MDGA2: variants seen among roughly 807,000 people sequenced by gnomAD.
MDGA2 encodes the protein MAM domain-containing glycosylphosphatidylinositol anchor protein 2.
A neutral mutation model predicts 117.8 loss-of-function variants in MDGA2; 40 were observed. The ratio of observed to expected loss-of-function variants is 0.34; its 90% CI spans 0.26 to 0.44. The LOEUF is 0.44. Ranked by LOEUF, MDGA2 falls within the 20% of genes least tolerant of loss-of-function variation. The pLI is 1.00. For synonymous variants in MDGA2, 452 were observed against 439.0 expected, an observed-to-expected ratio of 1.03 and a Z score of -0.37; for missense variants, 1,123 against 1,250.6, an observed-to-expected ratio of 0.90 and a Z score of 1.54.
chr14:47,211,731 TGC>T (rs1475740885), intron 3 of MDGA2, among the ~76,000 whole-genome samples: 1 of 152,174 alleles, frequency 6.6e-6, no homozygotes, highest in African/African-American at 2.4e-5. Flanking sequence ...AGTGTAGAAC[TGC>T]CAGGGAGAAT....
At chr14:47,315,745 C>T (rs1203561314) in intron 1 of MDGA2, among the ~76,000 whole-genome samples, 3 of 152,086 alleles carry the variant, frequency 2.0e-5, no homozygotes, top group Non-Finnish European at 2.9e-5. Context: ...GGCCCACTGT[C>T]CTAAGGATTT....
chr14:47,248,807 A>G (rs2139633220), intron 2 of MDGA2, among the ~76,000 whole-genome samples: 1 of 152,270 alleles, frequency 6.6e-6, no homozygotes, highest in African/African-American at 2.4e-5. Flanking sequence ...TCTAATAGCA[A>G]GATTGATTTG....
chr14:47,171,889 T>A (rs1181924245), intron 3 of MDGA2, among the ~76,000 whole-genome samples: 1 of 152,106 alleles, frequency 6.6e-6, no homozygotes, highest in African/African-American at 2.4e-5. Context: ...TTCCCTTTCT[T>A]AGTGAAAGAA....
chr14:47,365,839 T>C (rs1891219975), intron 1 of MDGA2, among the ~76,000 whole-genome samples: 7 of 152,246 alleles, frequency 4.6e-5, no homozygotes, highest in Admixed American at 3.9e-4. Flanking sequence ...AGCTATAGTA[T>C]GGCAACATGT....
intron 2 of MDGA2, among the ~76,000 whole-genome samples, chr14:47,280,314 CAAAAAAAAAAAAAAAAAA>C (rs1196509408): frequency 5.6e-5 from 2 of 35,842 alleles, no homozygotes; most frequent in Non-Finnish European, 9.0e-5. Flanking sequence ...AACTCCATCT[CAAAAAAAAAAAAAAAAAA>C]AAAAAAAAAA....
intron 1 of MDGA2, among the ~76,000 whole-genome samples, chr14:47,395,672 GACAATGA>G (rs1361519430): frequency 1.3e-5 from 2 of 151,946 alleles, no homozygotes; most frequent in African/African-American, 2.4e-5. Flanking sequence ...CTGAATTATA[GACAATGA>G]ACATATTAAT....
chr14:46,908,564 G>C (rs549830557), intron 10 of MDGA2, among the ~76,000 whole-genome samples: 1 of 152,200 alleles, frequency 6.6e-6, no homozygotes, highest in East Asian at 1.9e-4. Flanking sequence ...TCAAGAGTTT[G>C]CTGTGCAAGT....
intron 5 of MDGA2, among the ~76,000 whole-genome samples, chr14:47,124,525 T>G (rs1881803610): frequency 6.6e-6 from 1 of 152,110 alleles, no homozygotes; most frequent in Admixed American, 6.6e-5. Context: ...AACTTATGTC[T>G]GAAATTTTAA....
intron 8 of MDGA2, among the ~76,000 whole-genome samples, chr14:47,012,528 A>C (rs1477656369): frequency 6.6e-6 from 1 of 152,194 alleles, no homozygotes; most frequent in East Asian, 1.9e-4. Flanking sequence ...GAAGGCTTAA[A>C]TAAACACAAA....
At chr14:46,925,942 G>C (rs1395968335) in intron 9 of MDGA2, among the ~76,000 whole-genome samples, 1 of 152,252 alleles carries the variant, frequency 6.6e-6, no homozygotes, top group South Asian at 2.1e-4. Flanking sequence ...AACTACTGTA[G>C]GATATGGTAC....
At chr14:46,869,871 A>G (rs1881928845) in intron 14 of MDGA2, among the ~76,000 whole-genome samples, 1 of 151,964 alleles carries the variant, frequency 6.6e-6, no homozygotes, top group Non-Finnish European at 1.5e-5. Context: ...GCCTCCAATC[A>G]ACAGCCAGCA....
chr14:47,402,091 G>A (rs17092678), intron 1 of MDGA2, among the ~76,000 whole-genome samples: 39,436 of 152,012 alleles, frequency 0.26, 5,306 homozygotes, highest in South Asian at 0.45. Context: ...TTCACGGTTT[G>A]TTTCTCATTC....
intron 1 of MDGA2, among the ~76,000 whole-genome samples, chr14:47,644,675 C>T (rs889836048): frequency 6.6e-6 from 1 of 150,596 alleles, no homozygotes; most frequent in Non-Finnish European, 1.5e-5. Context: ...CAATATTGTA[C>T]TGTAAATTTG....
intron 8 of MDGA2, among the ~76,000 whole-genome samples, chr14:46,982,294 C>G (rs1594491844): frequency 6.6e-6 from 1 of 151,722 alleles, no homozygotes. Flanking sequence ...TAGTATTATA[C>G]TATGATTAAA....
chr14:46,865,144 A>C (rs1881697187), intron 14 of MDGA2, among the ~76,000 whole-genome samples: 2 of 152,136 alleles, frequency 1.3e-5, no homozygotes, highest in African/African-American at 2.4e-5. Flanking sequence ...GAGAATAAAA[A>C]TCAAACTCAT....
rs1265342645 is a variant in MDGA2, at chr14:46,920,078, T to C, written c.2172A>G (p.Leu724=). Residue 724 remains leucine (L), a synonymous_variant, in exon 10 of 17, where the codon CTA becomes CTG. Coordinates refer to ENST00000399232, the MANE Select transcript of MDGA2 (RefSeq NM_001113498.3). ...CATCAGGATTCATCTGTGTCCACTG[T>C]AGACTGTAAGAATAAACACGGTGTC... ...QNRHRVYSYS[L]QWTQMNPDAV... is the part of the protein sequence containing the mutation. 4.9e-5 allele frequency: 79 copies of C among 1,611,278 alleles called. No individual in the cohort carries two copies. Among genetic ancestry groups the C allele is most frequent in the Non-Finnish European group, 6.6e-5 (78 of 1,178,888 alleles).
chr14:47,642,314 G>T (rs1009298168), intron 1 of MDGA2, among the ~76,000 whole-genome samples: 5 of 151,930 alleles, frequency 3.3e-5, no homozygotes, highest in Non-Finnish European at 7.4e-5. Context: ...CTTAGAAAAG[G>T]GCGTGATATA....
intron 1 of MDGA2, among the ~76,000 whole-genome samples, chr14:47,519,479 A>G (rs1022289978): frequency 6.6e-6 from 1 of 152,150 alleles, no homozygotes; most frequent in Non-Finnish European, 1.5e-5. Flanking sequence ...GGTCAATTAC[A>G]TTGTTACTCT....
intron 5 of MDGA2, among the ~76,000 whole-genome samples, chr14:47,112,993 G>A (rs1362611403): frequency 6.6e-6 from 1 of 152,138 alleles, no homozygotes; most frequent in Non-Finnish European, 1.5e-5. Context: ...CTAGTAATCA[G>A]TGATGTTGAG....
Sources: allele counts gnomAD v4.1 joint callset (sites outside exome capture counted in the v4.1 genomes callset), GRCh38; gene constraint gnomAD v4.1.1; transcripts MANE v1.5; gene names NCBI Gene and HGNC (gene_info 2026-07-23, HGNC 2026-07-21).